Variants in GRIN2B observed in about 807,000 individuals in gnomAD.
GRIN2B encodes the protein glutamate ionotropic receptor NMDA type subunit 2B.
In GRIN2B, 5 loss-of-function variants were observed where a neutral mutation model predicts 114.5. That is an observed-to-expected ratio of 0.04 (90% CI 0.02 to 0.09). The LOEUF is 0.09. GRIN2B is among the 10% of genes least tolerant of loss of function. The probability of loss-of-function intolerance (pLI) is 1.00; values close to 1 mark genes in which losing one functional copy is unlikely to be tolerated. For missense variants in GRIN2B, 1,108 were observed against 1,943.5 expected, an observed-to-expected ratio of 0.57 and a Z score of 8.08; for synonymous variants, 787 against 745.1, an observed-to-expected ratio of 1.06 and a Z score of -0.92.
At chr12:13,806,059 T>G (rs1864594201) in intron 3 of GRIN2B, among the ~76,000 whole-genome samples, 1 of 152,260 alleles carries the variant, frequency 6.6e-6, no homozygotes, top group Non-Finnish European at 1.5e-5. Flanking sequence ...ATGACACAAC[T>G]TCCTTCTTTT....
At chr12:13,846,445 G>A (rs12825107) in intron 3 of GRIN2B, among the ~76,000 whole-genome samples, 24,751 of 151,672 alleles carry the variant, frequency 0.16, 2,711 homozygotes, top group Non-Finnish European at 0.25. Flanking sequence ...CATATTTTTC[G>A]CAGTTGCTTT....
Position 13,563,730 on chromosome 12 carries a change from C to G in GRIN2B, c.3508G>C (p.Gly1170Arg). The G allele has an allele frequency of 1.9e-6, 3 of 1,613,828 alleles. No homozygotes were observed. Among genetic ancestry groups the G allele is most frequent in the Non-Finnish European group, 2.5e-6 (3 of 1,179,986 alleles). ...TGAGACCTGTTGGTACAGGGCCCTC[C>G]TCCGCTGACGGAGTCGCGCTTAAAG... ...DDFKRDSVSG[G>R]GPCTNRSHIK... The change falls in exon 14 of 14, where the codon GGA becomes CGA. Residue 1170 changes from glycine to arginine, a missense_variant. Gly to Arg is a moderately radical substitution (Grantham distance 125). Transcript: ENST00000609686.
At position 13,649,579 on chromosome 12, in the gene GRIN2B, C is replaced by G. The variant is rs1250521039; in HGVS notation, c.1125+26166G>C. On this transcript the variant is annotated intron_variant, in intron 5 of 13. Transcript: ENST00000609686. ...TTCGAGATGATAATATAATAGACAGCATTTCCCAAGTTAACTTGATAGAAA... is the reference window on the plus strand; with the variant it reads ...TTCGAGATGATAATATAATAGACAGGATTTCCCAAGTTAACTTGATAGAAA... Among the ~76,000 whole-genome samples, 4 of 152,172 alleles carry G rather than the reference C, an allele frequency of 2.6e-5. No individual in the cohort carries two copies. In the East Asian group the frequency reaches 7.7e-4, roughly 29 times the overall value.
At chr12:13,632,958 C>A (rs1280036384) in intron 5 of GRIN2B, among the ~76,000 whole-genome samples, 1 of 152,172 alleles carries the variant, frequency 6.6e-6, no homozygotes, top group African/African-American at 2.4e-5. Flanking sequence ...TATTGATTTT[C>A]CTAGTGGGGA....
chr12:13,638,612 T>C (rs888835633), intron 5 of GRIN2B, among the ~76,000 whole-genome samples: 1 of 152,174 alleles, frequency 6.6e-6, no homozygotes, highest in African/African-American at 2.4e-5. Flanking sequence ...GCAAATTCAA[T>C]GTACCTCTGG....
At chr12:13,881,999 C>T (rs941184465) in intron 2 of GRIN2B, among the ~76,000 whole-genome samples, 1 of 152,158 alleles carries the variant, frequency 6.6e-6, no homozygotes, top group Non-Finnish European at 1.5e-5. Context: ...TTTACTCATT[C>T]TTCTATCATC....
At chr12:13,800,956 C>T (rs1864500296) in intron 3 of GRIN2B, among the ~76,000 whole-genome samples, 1 of 152,152 alleles carries the variant, frequency 6.6e-6, no homozygotes, top group South Asian at 2.1e-4. Flanking sequence ...TGTAGTAGAT[C>T]AGCAAGTATT....
chr12:13,620,631 C>A (rs1728681012), intron 5 of GRIN2B, among the ~76,000 whole-genome samples: 1 of 152,114 alleles, frequency 6.6e-6, no homozygotes, highest in Non-Finnish European at 1.5e-5. Flanking sequence ...ATTTCTGAGA[C>A]TGTAAACACA....
intron 5 of GRIN2B, among the ~76,000 whole-genome samples, chr12:13,644,022 A>AT (rs1297386127): frequency 6.6e-6 from 1 of 152,170 alleles, no homozygotes; most frequent in Non-Finnish European, 1.5e-5. Flanking sequence ...TAATGTTAAT[A>AT]TTTTGACCTC....
chr12:13,829,320 C>G (rs1865107100), intron 3 of GRIN2B, among the ~76,000 whole-genome samples: 1 of 152,192 alleles, frequency 6.6e-6, no homozygotes, highest in Non-Finnish European at 1.5e-5. Context: ...TAAGATATGT[C>G]TATTTACTCC....
intron 2 of GRIN2B, among the ~76,000 whole-genome samples, chr12:13,918,203 T>C (rs1211186584): frequency 6.6e-6 from 1 of 152,318 alleles, no homozygotes; most frequent in Non-Finnish European, 1.5e-5. Context: ...AAAATGGGAA[T>C]AGTAATACCT....
At chr12:13,857,161 AAAG>A (rs1166949062) in intron 3 of GRIN2B, among the ~76,000 whole-genome samples, 2 of 152,150 alleles carry the variant, frequency 1.3e-5, no homozygotes, top group African/African-American at 2.4e-5. Context: ...TGAACTGTGA[AAAG>A]AAGGAGACAA....
chr12:13,796,082 T>TAAA (rs59852695), intron 3 of GRIN2B, among the ~76,000 whole-genome samples: 6 of 141,260 alleles, frequency 4.2e-5, no homozygotes, highest in Admixed American at 7.1e-5. Flanking sequence ...AAAGTATAAT[T>TAAA]AAAAAAAAAA....
chr12:13,784,411 G>A (rs1271417198), intron 3 of GRIN2B, among the ~76,000 whole-genome samples: 2 of 151,930 alleles, frequency 1.3e-5, no homozygotes, highest in African/African-American at 2.4e-5. Flanking sequence ...AATTTGAGGA[G>A]TCCCCACATG....
intron 2 of GRIN2B, among the ~76,000 whole-genome samples, chr12:13,956,275 CACGG>C (rs1482131856): frequency 6.6e-6 from 1 of 152,160 alleles, no homozygotes; most frequent in Non-Finnish European, 1.5e-5. Flanking sequence ...AGAGATGAAC[CACGG>C]ACGCCCAGGC....
At chr12:13,847,381 T>C (rs1262951847) in intron 3 of GRIN2B, among the ~76,000 whole-genome samples, 5 of 152,020 alleles carry the variant, frequency 3.3e-5, no homozygotes, top group Non-Finnish European at 5.9e-5. Context: ...ATTATGTCCT[T>C]GGGTGGCCTC....
intron 2 of GRIN2B, among the ~76,000 whole-genome samples, chr12:13,941,857 C>G (rs533516301): frequency 6.6e-6 from 1 of 152,308 alleles, no homozygotes; most frequent in East Asian, 1.9e-4. Flanking sequence ...AAATGAGGCC[C>G]AACTGTGACT....
At chr12:13,841,017 T>C (rs1014359966) in intron 3 of GRIN2B, among the ~76,000 whole-genome samples, 1 of 152,224 alleles carries the variant, frequency 6.6e-6, no homozygotes, top group Non-Finnish European at 1.5e-5. Flanking sequence ...TTTACAAATA[T>C]ATATTGGAGC....
chr12:13,706,142 C>CCT (rs1322336221), intron 4 of GRIN2B, among the ~76,000 whole-genome samples: 4 of 152,084 alleles, frequency 2.6e-5, no homozygotes, highest in Non-Finnish European at 4.4e-5. Context: ...GCCACCAAGA[C>CCT]CTCTAGAGGT....
Sources: allele counts gnomAD v4.1 joint callset (sites outside exome capture counted in the v4.1 genomes callset), GRCh38; gene constraint gnomAD v4.1.1; transcripts MANE v1.5; gene names NCBI Gene and HGNC (gene_info 2026-07-23, HGNC 2026-07-21).